Variants in SH3D19 observed in about 807,000 individuals in gnomAD.
SH3D19 encodes SH3 domain-containing protein 19.
Under a neutral mutation model 112.1 loss-of-function variants are expected in SH3D19, and 58 were observed. The observed-to-expected ratio is 0.52, with a 90% CI of 0.42 to 0.64. SH3D19 has a LOEUF of 0.64. Among genes scored for constraint, SH3D19 ranks in the 30% least tolerant of loss-of-function variants. The probability of loss-of-function intolerance (pLI) is 0.00; values close to 1 mark genes in which losing one functional copy is unlikely to be tolerated. For synonymous variants in SH3D19, 391 were observed against 448.5 expected (o/e 0.87, Z 1.62); for missense variants, 1,090 against 1,263.4 (o/e 0.86, Z 2.08).
chr4:151,164,332 T>C (rs1349356952), intron 8 of SH3D19, among the ~76,000 whole-genome samples: 1 of 152,190 alleles, frequency 6.6e-6, no homozygotes, highest in Non-Finnish European at 1.5e-5. Context: ...AGCAGTGCCA[T>C]GAACTGCTCT....
At chr4:151,197,017 T>C (rs2149875637) in intron 2 of SH3D19, among the ~76,000 whole-genome samples, 1 of 152,190 alleles carries the variant, frequency 6.6e-6, no homozygotes, top group East Asian at 1.9e-4. Context: ...ATGGATGCAG[T>C]GAAAAGGGAA....
At chr4:151,206,026 A>ACACC (rs1157839627) in intron 2 of SH3D19, among the ~76,000 whole-genome samples, 2 of 152,160 alleles carry the variant, frequency 1.3e-5, no homozygotes, top group Admixed American at 1.3e-4. Context: ...ACACACACAC[A>ACACC]AAACACATTA....
intron 1 of SH3D19, among the ~76,000 whole-genome samples, chr4:151,256,074 A>G (rs1397603641): frequency 2.0e-5 from 3 of 148,050 alleles, no homozygotes; most frequent in African/African-American, 5.0e-5. Context: ...TAAAGATTTT[A>G]AACTGTCTTT....
intron 7 of SH3D19, among the ~76,000 whole-genome samples, chr4:151,172,262 A>G (rs562968547): frequency 2.0e-5 from 3 of 152,204 alleles, no homozygotes; most frequent in Non-Finnish European, 4.4e-5. Context: ...TCAAAAAGCA[A>G]ACAAAAATCC....
chr4:151,224,240 C>T (rs554763585), intron 2 of SH3D19, among the ~76,000 whole-genome samples: 6 of 151,886 alleles, frequency 4.0e-5, no homozygotes, highest in East Asian at 1.9e-4. Context: ...ATCCAGGAGG[C>T]GGAGCTTGCA....
At chr4:151,250,886 C>T (rs1390684727) in intron 1 of SH3D19, among the ~76,000 whole-genome samples, 1 of 152,126 alleles carries the variant, frequency 6.6e-6, no homozygotes, top group Non-Finnish European at 1.5e-5. Context: ...CTGGATACGT[C>T]GTTAGCTGAG....
At chr4:151,316,999 C>T (rs1403186971) in intron 1 of SH3D19, among the ~76,000 whole-genome samples, 3 of 152,220 alleles carry the variant, frequency 2.0e-5, no homozygotes, top group Non-Finnish European at 4.4e-5. Context: ...TCCCCTAGAA[C>T]ACATCCCATG....
Position 151,122,320 on chromosome 4 carries a change from A to C in SH3D19, c.3028-113T>G, listed in dbSNP as rs538270628. ...TTCTCTGTATAACTCATTTATCTTG[A>C]TTGTTGAGAATTAAATGACAACAAT... On this transcript the variant is annotated intron_variant, in intron 19 of 19. Transcript: ENST00000604030. The C allele has an allele frequency of 6.4e-6, 4 of 627,626 alleles. No individual in the cohort carries two copies. In the African/African-American group the frequency reaches 7.4e-5, roughly 12 times the overall value. 38.9% of individuals were successfully genotyped at this position (627,626 alleles called of 1,614,324 possible). A position where few individuals can be genotyped will look rare whatever the true frequency, so the allele number is the denominator to read the frequency against.
chr4:151,180,230 C>G lies in SH3D19; in HGVS notation c.194-833G>C, dbSNP rs1489929963. On this transcript the variant is annotated intron_variant, in intron 3 of 19. Coordinates refer to ENST00000604030, the MANE Select transcript of SH3D19 (RefSeq NM_001378122.1). ...ATTAATGTAAAAGGTGTTCAAATCA[C>G]TTTTATAAACTTGTTTATAGCACAT... Among the ~76,000 whole-genome samples the G allele has an allele frequency of 3.3e-5, 5 of 152,096 alleles. No individual in the cohort carries two copies. In the East Asian group the frequency reaches 9.6e-4, roughly 29 times the overall value.
chr4:151,277,400 TAGC>T (rs767468904), intron 1 of SH3D19, among the ~76,000 whole-genome samples: 1 of 152,160 alleles, frequency 6.6e-6, no homozygotes, highest in Non-Finnish European at 1.5e-5. Context: ...CGATTGGAAA[TAGC>T]AGTACACACA....
intron 1 of SH3D19, among the ~76,000 whole-genome samples, chr4:151,284,034 G>A (rs889392093): frequency 2.6e-5 from 4 of 152,120 alleles, no homozygotes; most frequent in African/African-American, 9.7e-5. Context: ...GTTTGAATAT[G>A]ATGTACTAGG....
intron 7 of SH3D19, chr4:151,170,809 G>A (rs1259912113): frequency 6.6e-6 from 1 of 152,188 alleles, no homozygotes; most frequent in Non-Finnish European, 1.5e-5. Flanking sequence ...TCAAAAGGGA[G>A]CAAAATGCAT....
At chr4:151,254,076 A>G (rs940571198) in intron 1 of SH3D19, among the ~76,000 whole-genome samples, 29 of 152,208 alleles carry the variant, frequency 1.9e-4, no homozygotes, top group Non-Finnish European at 4.4e-5. Context: ...TTAACCTCCA[A>G]GGGCCTCAGT....
intron 1 of SH3D19, among the ~76,000 whole-genome samples, chr4:151,309,732 G>A (rs1289209515): frequency 2.6e-5 from 4 of 152,210 alleles, no homozygotes; most frequent in African/African-American, 9.7e-5. Flanking sequence ...GCTCACTCCT[G>A]TAATCCCAGC....
chr4:151,122,427 C>T (rs1748129301), intron 19 of SH3D19, among the ~76,000 whole-genome samples: 1 of 152,030 alleles, frequency 6.6e-6, no homozygotes, highest in African/African-American at 2.4e-5. Context: ...CCTTGCTGCA[C>T]TTTGATTTTC....
At chr4:151,287,559 G>T (rs978612316) in intron 1 of SH3D19, among the ~76,000 whole-genome samples, 2 of 152,020 alleles carry the variant, frequency 1.3e-5, no homozygotes, top group Non-Finnish European at 2.9e-5. Flanking sequence ...AGTCAAGTTG[G>T]CTGACCTCAA....
At chr4:151,171,021 G>T (rs916959501) in intron 7 of SH3D19, among the ~76,000 whole-genome samples, 1 of 152,128 alleles carries the variant, frequency 6.6e-6, no homozygotes, top group Non-Finnish European at 1.5e-5. Context: ...GGGATAATAG[G>T]TCTCCCTCCC....
In SH3D19 at chr4:151,191,952, T is replaced by TTTTTC. The variant is rs1554049670; in HGVS notation, c.153-4490_153-4489insGAAAA. ...GAGCCACCACACCCAGCCCTTTTTT[T>TTTTTC]TTTTTTTTTTTGATACAGAGTCTTG... is the stretch of plus-strand genomic sequence containing the variant. On this transcript the variant is annotated intron_variant, in intron 2 of 19. Transcript: ENST00000604030. 3.1e-3 allele frequency among the ~76,000 whole-genome samples: 404 copies of TTTTTC among 129,672 alleles called. 7 individuals are homozygous for TTTTTC. Among genetic ancestry groups the TTTTTC allele is most frequent in the African/African-American group, 7.2e-3 (242 of 33,652 alleles). The allele number at this position is 129,672 out of a possible 152,430, so 85.1% of individuals were successfully genotyped here.
chr4:151,182,383 T>A (rs1342135712), intron 3 of SH3D19, among the ~76,000 whole-genome samples: 1 of 152,236 alleles, frequency 6.6e-6, no homozygotes, highest in Admixed American at 6.5e-5. Context: ...AAAGTATGAA[T>A]AGTACTTAAA....
Sources: gnomAD v4.1 joint callset for allele counts (sites outside exome capture counted in the v4.1 genomes callset) on GRCh38, gnomAD v4.1.1 for gene constraint, MANE v1.5 for transcripts, NCBI Gene and HGNC (gene_info 2026-07-23, HGNC 2026-07-21) for gene names.